Variants in SNTB2 observed in about 807,000 individuals in gnomAD.
SNTB2 encodes beta-2-syntrophin.
SNTB2 carries 34 observed loss-of-function variants against 46.2 expected under a neutral mutation model. That is an observed-to-expected ratio of 0.74 (90% confidence interval 0.56 to 0.98). SNTB2 has a LOEUF of 0.98. Ranked by LOEUF, SNTB2 falls within the 50% of genes least tolerant of loss-of-function variation. SNTB2 has a pLI of 0.00. For missense variants in SNTB2, 603 were observed against 731.4 expected, an observed-to-expected ratio of 0.82 and a Z score of 2.02; for synonymous variants, 290 against 312.6, an observed-to-expected ratio of 0.93 and a Z score of 0.76.
chr16:69,242,905 C>T (rs1355209919), intron 1 of SNTB2, among the ~76,000 whole-genome samples: 15 of 151,790 alleles, frequency 9.9e-5, no homozygotes, highest in Admixed American at 9.9e-4. Context: ...CCTGTAGTCC[C>T]AGTTACTGGG....
At chr16:69,188,953 G>A (rs78014134) in intron 1 of SNTB2, among the ~76,000 whole-genome samples, 2,203 of 152,240 alleles carry the variant, frequency 0.014, 59 homozygotes, top group African/African-American at 0.051. Context: ...GACATAGGCA[G>A]GCAGGGATGA....
chr16:69,231,242 A>G (rs1417888717), intron 1 of SNTB2: 2 of 152,212 alleles, frequency 1.3e-5, no homozygotes, highest in Non-Finnish European at 2.9e-5. Flanking sequence ...TTTCACATAA[A>G]GCAGTGCTGC....
chr16:69,279,079 T>A (rs954472940), intron 4 of SNTB2, among the ~76,000 whole-genome samples: 1 of 152,206 alleles, frequency 6.6e-6, no homozygotes, highest in African/African-American at 2.4e-5. Context: ...TACAGTAGAT[T>A]AGTGTTTACT....
At chr16:69,219,339 T>C (rs1164584231) in intron 1 of SNTB2, among the ~76,000 whole-genome samples, 1 of 152,230 alleles carries the variant, frequency 6.6e-6, no homozygotes, top group Non-Finnish European at 1.5e-5. Context: ...GTTAATTTAA[T>C]GGCTGGATCA....
intron 3 of SNTB2, among the ~76,000 whole-genome samples, chr16:69,264,754 G>T (rs1964869102): frequency 6.6e-6 from 1 of 152,182 alleles, no homozygotes; most frequent in East Asian, 1.9e-4. Flanking sequence ...GTAGAAGACA[G>T]AGAAGATTAA....
intron 1 of SNTB2, among the ~76,000 whole-genome samples, chr16:69,233,099 T>TG (rs1263555174): frequency 5.3e-5 from 8 of 152,198 alleles, no homozygotes; most frequent in Non-Finnish European, 1.2e-4. Context: ...CTTAGAAATC[T>TG]GGGAGACACT....
chr16:69,279,248 G>A (rs891807149), intron 4 of SNTB2, among the ~76,000 whole-genome samples: 6 of 152,130 alleles, frequency 3.9e-5, no homozygotes, highest in African/African-American at 1.4e-4. Flanking sequence ...GATACCTCAT[G>A]TAAGTAGGCT....
intron 1 of SNTB2, among the ~76,000 whole-genome samples, chr16:69,207,377 C>G (rs181422237): frequency 3.9e-4 from 58 of 149,606 alleles, no homozygotes; most frequent in Middle Eastern, 3.6e-3. Flanking sequence ...AGGCTGGTTT[C>G]GAACTCCTGA....
chr16:69,299,146 CTTT>C (rs375905717), intron 5 of SNTB2, among the ~76,000 whole-genome samples: 8 of 138,682 alleles, frequency 5.8e-5, no homozygotes, highest in Admixed American at 7.3e-5. Flanking sequence ...AAACACACTT[CTTT>C]TTTTTTTTTT....
At chr16:69,289,089 G>A (rs1278998969) in intron 5 of SNTB2, among the ~76,000 whole-genome samples, 2 of 151,928 alleles carry the variant, frequency 1.3e-5, no homozygotes, top group Non-Finnish European at 2.9e-5. Context: ...GACCAACATG[G>A]AGAAACCCCA....
At chr16:69,287,585 G>T (rs1042051421) in intron 5 of SNTB2, among the ~76,000 whole-genome samples, 11 of 151,976 alleles carry the variant, frequency 7.2e-5, no homozygotes, top group Admixed American at 2.6e-4. Context: ...AGAAATGCTG[G>T]AAGCGGTTGC....
At chr16:69,196,605 C>G (rs1166822079) in intron 1 of SNTB2, among the ~76,000 whole-genome samples, 1 of 152,072 alleles carries the variant, frequency 6.6e-6, no homozygotes, top group Non-Finnish European at 1.5e-5. Flanking sequence ...GAACTCCTGA[C>G]CTTGTGATCT....
At chr16:69,246,643 T>C (rs1449787261) in intron 2 of SNTB2, among the ~76,000 whole-genome samples, 1 of 142,908 alleles carries the variant, frequency 7.0e-6, no homozygotes, top group Non-Finnish European at 1.5e-5. Context: ...ATGGTACCAG[T>C]TCCTCCTTGT....
At chr16:69,245,260 A>C (rs573393063) in intron 1 of SNTB2, among the ~76,000 whole-genome samples, 1 of 152,028 alleles carries the variant, frequency 6.6e-6, no homozygotes, top group African/African-American at 2.4e-5. Flanking sequence ...GTGCAGTGGC[A>C]CAATCTCACT....
At chr16:69,264,491 T>C (rs537853984) in intron 3 of SNTB2, among the ~76,000 whole-genome samples, 1 of 152,328 alleles carries the variant, frequency 6.6e-6, no homozygotes, top group South Asian at 2.1e-4. Context: ...TAAAATACTC[T>C]GCACAAAACA....
intron 5 of SNTB2, among the ~76,000 whole-genome samples, chr16:69,292,364 A>ATATATATATATATATTATATATATAT (rs1353743371): frequency 9.5e-4 from 33 of 34,764 alleles, no homozygotes; most frequent in African/African-American, 4.0e-3. Flanking sequence ...TTATATATAT[A>ATATATATATATATATTATATATATAT]TATATATATA....
At chr16:69,215,272 C>G (rs535841144) in intron 1 of SNTB2, among the ~76,000 whole-genome samples, 1 of 152,230 alleles carries the variant, frequency 6.6e-6, no homozygotes, top group East Asian at 1.9e-4. Context: ...GTTGTCCCAG[C>G]TACACGGGAG....
rs539099857 is a variant in SNTB2 at position 69,306,308 on chromosome 16, A to T, written c.*5384A>T. ...CTAGAAGAATGGTTGTTATGTAGTA[A>T]CTCAGAAGAATCTTTTAATAAGTTT... On this transcript the variant is annotated 3_prime_UTR_variant, in exon 7 of 7. Transcript: ENST00000336278. The T allele has an allele frequency of 5.9e-5, 9 of 152,198 alleles. No homozygotes were observed. The highest frequency in any genetic ancestry group is 1.2e-4 in the Non-Finnish European group (8 of 68,034). The allele number at this position is 152,198 out of a possible 1,614,324, so 9.4% of individuals were successfully genotyped here.
At chr16:69,245,855 A>T in intron 2 of SNTB2, 40 bp downstream of exon 2, 1 of 1,588,906 alleles carries the variant, frequency 6.3e-7, no homozygotes, top group Non-Finnish European at 8.6e-7. Context: ...CTACAGCTTT[A>T]CAAACTTAAG....
Sources: gnomAD v4.1 joint callset for allele counts (sites outside exome capture counted in the v4.1 genomes callset) on GRCh38, gnomAD v4.1.1 for gene constraint, MANE v1.5 for transcripts, NCBI Gene and HGNC (gene_info 2026-07-23, HGNC 2026-07-21) for gene names.